The following KCND3 variants were observed in gnomAD, a reference collection of about 807,000 sequenced individuals.
KCND3 encodes the protein A-type voltage-gated potassium channel KCND3.
A neutral mutation model predicts 51.1 loss-of-function variants in KCND3; 9 were observed. The ratio of observed to expected loss-of-function variants is 0.18; its 90% CI spans 0.11 to 0.31. KCND3 has a LOEUF of 0.31. Ranked by LOEUF, KCND3 falls within the 10% of genes least tolerant of loss-of-function variation. The pLI is 1.00. For missense variants in KCND3, 526 were observed against 903.8 expected (o/e 0.58, Z 5.36); for synonymous variants, 349 against 368.0 (o/e 0.95, Z 0.59).
At chr1:111,825,752 CT>C (rs1266437399) in intron 2 of KCND3, among the ~76,000 whole-genome samples, 1 of 152,098 alleles carries the variant, frequency 6.6e-6, no homozygotes, top group Non-Finnish European at 1.5e-5. Context: ...ATTTTGTCTC[CT>C]GCTTTTTCCC....
At chr1:111,925,418 C>G (rs1306772083) in intron 2 of KCND3, among the ~76,000 whole-genome samples, 1 of 152,226 alleles carries the variant, frequency 6.6e-6, no homozygotes, top group African/African-American at 2.4e-5. Flanking sequence ...TTCTTACCTA[C>G]TGCATCATTC....
intron 2 of KCND3, among the ~76,000 whole-genome samples, chr1:111,872,437 G>C (rs2101717324): frequency 6.6e-6 from 1 of 152,330 alleles, no homozygotes; most frequent in Non-Finnish European, 1.5e-5. Context: ...TATTTGACCT[G>C]TGAACCTTTT....
intron 1 of KCND3, chr1:111,989,148 T>G (rs1394719469): frequency 5.9e-5 from 9 of 152,378 alleles, no homozygotes; most frequent in African/African-American, 2.2e-4. Context: ...TTTCAGCCAT[T>G]TCTCTCCTTG....
At chr1:111,869,953 G>T (rs779564082) in intron 2 of KCND3, among the ~76,000 whole-genome samples, 1 of 152,130 alleles carries the variant, frequency 6.6e-6, no homozygotes, top group Non-Finnish European at 1.5e-5. Context: ...CTGAAATAAA[G>T]TGTTTGTATC....
At chr1:111,879,056 G>A (rs553078421) in intron 2 of KCND3, among the ~76,000 whole-genome samples, 21 of 152,260 alleles carry the variant, frequency 1.4e-4, no homozygotes, top group African/African-American at 2.4e-4. Context: ...TCTTGCCTTC[G>A]GACTCTAACA....
chr1:111,940,336 C>A (rs541645386), intron 2 of KCND3, among the ~76,000 whole-genome samples: 1 of 152,026 alleles, frequency 6.6e-6, no homozygotes, highest in East Asian at 1.9e-4. Context: ...CCTAGGTTTT[C>A]TTCTCGGGTT....
intron 2 of KCND3, among the ~76,000 whole-genome samples, chr1:111,872,127 T>C (rs146875206): frequency 1.3e-5 from 2 of 152,364 alleles, no homozygotes; most frequent in African/African-American, 4.8e-5. Flanking sequence ...ACTTCACATG[T>C]ACTAATTCAT....
rs1052391039 is a variant in KCND3 at position 111,898,603 on chromosome 1, C to A, written c.1106+83018G>T. Among the ~76,000 whole-genome samples the A allele has an allele frequency of 4.6e-5, 7 of 152,320 alleles. No homozygotes were observed. The Middle Eastern group carries it at 0.01, about 222-fold the overall frequency. ...AAGTGAAATGAAAACTCAAATATAGCAGCCCCATGGGCAGTAAAGTCATGT... is the reference window on the plus strand; with the variant it reads ...AAGTGAAATGAAAACTCAAATATAGAAGCCCCATGGGCAGTAAAGTCATGT... On this transcript the variant is annotated intron_variant, in intron 2 of 7. Transcript: ENST00000302127.
chr1:111,803,897 A>T (rs1665440775), intron 2 of KCND3, among the ~76,000 whole-genome samples: 1 of 152,204 alleles, frequency 6.6e-6, no homozygotes, highest in African/African-American at 2.4e-5. Flanking sequence ...CATGTGACAA[A>T]CAGTCCTGCA....
At chr1:111,811,162 G>A (rs966694270) in intron 2 of KCND3, among the ~76,000 whole-genome samples, 2 of 152,208 alleles carry the variant, frequency 1.3e-5, no homozygotes, top group African/African-American at 4.8e-5. Flanking sequence ...ATCCTGATGT[G>A]TGAGTCTTGG....
At chr1:111,909,731 A>G (rs1040724169) in intron 2 of KCND3, 2 of 152,226 alleles carry the variant, frequency 1.3e-5, no homozygotes, top group Non-Finnish European at 2.9e-5. Context: ...CAAACACATT[A>G]TGCTTTGAAG....
chr1:111,837,405 T>G (rs557448467), intron 2 of KCND3, among the ~76,000 whole-genome samples: 15 of 152,310 alleles, frequency 9.8e-5, no homozygotes, highest in Admixed American at 5.2e-4. Context: ...TTTTGAGTAG[T>G]TATTATGTGC....
chr1:111,811,553 G>A (rs576365406), intron 2 of KCND3, among the ~76,000 whole-genome samples: 3 of 152,236 alleles, frequency 2.0e-5, no homozygotes, highest in Admixed American at 2.0e-4. Context: ...GACAGGGTGA[G>A]TCGATCTTTA....
At chr1:111,813,977 A>C (rs1665972065) in intron 2 of KCND3, among the ~76,000 whole-genome samples, 1 of 152,250 alleles carries the variant, frequency 6.6e-6, no homozygotes, top group African/African-American at 2.4e-5. Flanking sequence ...ACGTGCTGGC[A>C]GTCTCCCTGA....
intron 2 of KCND3, among the ~76,000 whole-genome samples, chr1:111,801,632 C>G (rs1665316776): frequency 6.6e-6 from 1 of 152,124 alleles, no homozygotes; most frequent in South Asian, 2.1e-4. Flanking sequence ...GCCAATTGAC[C>G]CAATATATGG....
rs527263128 is a variant in KCND3, at chr1:111,775,620, G to A, written c.*457C>T. 5.4e-5 allele frequency: 11 copies of A among 203,362 alleles called. No individual in the cohort carries two copies. The highest frequency in any genetic ancestry group is 8.2e-5 in the Non-Finnish European group (8 of 98,034). The allele number at this position is 203,362 out of a possible 1,614,324, so 12.6% of individuals were successfully genotyped here. A position where few individuals can be genotyped will look rare whatever the true frequency, so the allele number is the denominator to read the frequency against. Reference sequence around the variant, plus strand: ...CATGAATAAATATTATCCATTAAGAGCCTTGAAAAAGGTGCTTAAATACAC... The same window carrying A: ...CATGAATAAATATTATCCATTAAGAACCTTGAAAAAGGTGCTTAAATACAC... On this transcript the variant is annotated 3_prime_UTR_variant, in exon 8 of 8. Coordinates refer to ENST00000302127, the MANE Select transcript of KCND3 (RefSeq NM_001378969.1).
intron 2 of KCND3, among the ~76,000 whole-genome samples, chr1:111,870,009 G>A (rs1054033278): frequency 1.9e-4 from 29 of 152,210 alleles, no homozygotes; most frequent in Admixed American, 1.6e-3. Context: ...TTTTGAGGGA[G>A]TGGAATGGGA....
intron 2 of KCND3, among the ~76,000 whole-genome samples, chr1:111,956,942 C>G (rs899110726): frequency 6.6e-6 from 1 of 152,286 alleles, no homozygotes; most frequent in African/African-American, 2.4e-5. Flanking sequence ...TAGGGTTGTC[C>G]GTGCCTCTTT....
intron 2 of KCND3, among the ~76,000 whole-genome samples, chr1:111,901,594 A>T (rs1020087318): frequency 2.0e-5 from 3 of 152,240 alleles, no homozygotes; most frequent in Non-Finnish European, 4.4e-5. Flanking sequence ...ATGAGACCTC[A>T]TGAAAATGGG....
Sources: gnomAD v4.1 joint callset for allele counts (sites outside exome capture counted in the v4.1 genomes callset) on GRCh38, gnomAD v4.1.1 for gene constraint, MANE v1.5 for transcripts, NCBI Gene and HGNC (gene_info 2026-07-23, HGNC 2026-07-21) for gene names.